Variants in WWOX observed in about 807,000 individuals in gnomAD.
WWOX encodes the protein WW domain-containing oxidoreductase.
WWOX carries 69 observed loss-of-function variants against 46.2 expected under a neutral mutation model. That is an observed-to-expected ratio of 1.49 (90% CI 1.23 to 1.82). The LOEUF (loss-of-function observed/expected upper bound fraction) is 1.82. Among genes scored for constraint, WWOX ranks in the 40% most tolerant of loss-of-function variants. WWOX has a pLI of 0.00. For synonymous variants in WWOX, 359 were observed against 202.6 expected (o/e 1.77, Z -6.56); for missense variants, 919 against 542.6 (o/e 1.69, Z -6.89).
rs566470623 is a variant in WWOX at position 78,743,670 on chromosome 16, T to C, written c.1056+310918T>C. ...GAAAATTGAAAGTACCCCTGATTGG[T>C]TGCTTTCCACGACCATTCAGCCGTT... On this transcript the variant is annotated intron_variant, in intron 8 of 8. Coordinates refer to ENST00000566780, the MANE Select transcript of WWOX (RefSeq NM_016373.4). 3.9e-5 allele frequency among the ~76,000 whole-genome samples: 6 copies of C among 152,290 alleles called. No homozygotes were observed. In the South Asian group the frequency reaches 1.2e-3, roughly 32 times the overall value.
chr16:78,740,251 A>G (rs989320593), intron 8 of WWOX, among the ~76,000 whole-genome samples: 1 of 152,156 alleles, frequency 6.6e-6, no homozygotes, highest in African/African-American at 2.4e-5. Flanking sequence ...GCGTTCTTAC[A>G]ATGCTGATGC....
At chr16:78,264,667 A>G (rs1000535361) in intron 5 of WWOX, 6 of 152,242 alleles carry the variant, frequency 3.9e-5, no homozygotes, top group Admixed American at 1.3e-4. Flanking sequence ...TCATTCTTCA[A>G]CGGGCAGGGT....
In WWOX at chr16:79,212,570, G is replaced by GTCAA. The variant is rs550313352; in HGVS notation, c.*778_*781dup. The GTCAA allele has an allele frequency of 1.8e-3, 301 of 163,922 alleles. No individual in the cohort carries two copies. The highest frequency in any genetic ancestry group is 3.8e-3 in the Admixed American group (67 of 17,816). 10.2% of individuals were successfully genotyped at this position (163,922 alleles called of 1,614,324 possible). A position where few individuals can be genotyped will look rare whatever the true frequency, so the allele number is the denominator to read the frequency against. On this transcript the variant is annotated 3_prime_UTR_variant, in exon 9 of 9. Coordinates refer to ENST00000566780, the MANE Select transcript of WWOX (RefSeq NM_016373.4). ...AAAACGTTAGTTAATCCCTTTGTCT[G>GTCAA]TCAATCACAGTCTCAGTTCTCTTGC...
At chr16:78,720,011 A>G (rs1050587020) in intron 8 of WWOX, among the ~76,000 whole-genome samples, 28 of 152,232 alleles carry the variant, frequency 1.8e-4, no homozygotes, top group Non-Finnish European at 8.8e-5. Flanking sequence ...GATAATTTAC[A>G]TATAAAAGCG....
chr16:78,633,779 G>C (rs1417280681), intron 8 of WWOX, among the ~76,000 whole-genome samples: 1 of 152,190 alleles, frequency 6.6e-6, no homozygotes, highest in East Asian at 1.9e-4. Context: ...TCCAGGCTGT[G>C]GTGTGCGGTG....
At chr16:79,149,574 T>A (rs1470029412) in intron 8 of WWOX, among the ~76,000 whole-genome samples, 1 of 152,192 alleles carries the variant, frequency 6.6e-6, no homozygotes, top group Non-Finnish European at 1.5e-5. Context: ...CTAGGGACGG[T>A]CTCAAATGAG....
At position 78,265,725 on chromosome 16, in the gene WWOX, G is replaced by C. The variant is rs184041905; in HGVS notation, c.516+101436G>C. Among the ~76,000 whole-genome samples the C allele has an allele frequency of 9.7e-4, 144 of 148,930 alleles. 1 individual carries two copies. Among genetic ancestry groups the C allele is most frequent in the Middle Eastern group, 7.0e-3 (2 of 284 alleles). ...AAAACACGAATATCTTTTTTTGTCA[G>C]CTCCATGAGGGCACAAAGTTGTATC... On this transcript the variant is annotated intron_variant, in intron 5 of 8. Transcript: ENST00000566780.
At chr16:78,853,141 G>A (rs962296227) in intron 8 of WWOX, among the ~76,000 whole-genome samples, 1 of 152,162 alleles carries the variant, frequency 6.6e-6, no homozygotes, top group African/African-American at 2.4e-5. Flanking sequence ...TGTACTATAC[G>A]TTATAACAAT....
At chr16:78,970,380 C>T (rs1039364657) in intron 8 of WWOX, among the ~76,000 whole-genome samples, 2 of 152,192 alleles carry the variant, frequency 1.3e-5, no homozygotes, top group Admixed American at 6.5e-5. Context: ...ATTAGCATAA[C>T]CTCATGCCCA....
chr16:78,999,550 C>T (rs963542754), intron 8 of WWOX, among the ~76,000 whole-genome samples: 1 of 152,120 alleles, frequency 6.6e-6, no homozygotes, highest in Non-Finnish European at 1.5e-5. Flanking sequence ...TAGACATCAG[C>T]GATTCAGAGT....
intron 8 of WWOX, among the ~76,000 whole-genome samples, chr16:78,470,235 T>G (rs951780791): frequency 6.6e-6 from 1 of 152,182 alleles, no homozygotes; most frequent in Non-Finnish European, 1.5e-5. Context: ...TGGAGCATTT[T>G]AAGGATGAGG....
chr16:78,639,548 G>C (rs1003139904), intron 8 of WWOX, among the ~76,000 whole-genome samples: 2 of 150,600 alleles, frequency 1.3e-5, no homozygotes, highest in African/African-American at 4.9e-5. Flanking sequence ...CCTCCCCTCA[G>C]ACTCCAGGGG....
intron 8 of WWOX, among the ~76,000 whole-genome samples, chr16:78,826,538 T>G (rs1247185393): frequency 6.6e-6 from 1 of 152,214 alleles, no homozygotes; most frequent in Non-Finnish European, 1.5e-5. Context: ...CCACATGGCC[T>G]TCTCCTCTTC....
chr16:78,674,935 T>C (rs1360256422), intron 8 of WWOX, among the ~76,000 whole-genome samples: 1 of 152,098 alleles, frequency 6.6e-6, no homozygotes, highest in Non-Finnish European at 1.5e-5. Flanking sequence ...CATGGGTTTG[T>C]TCAAGTTGTC....
chr16:79,184,688 C>G (rs78435901), intron 8 of WWOX, among the ~76,000 whole-genome samples: 5,087 of 152,280 alleles, frequency 0.033, 123 homozygotes, highest in Non-Finnish European at 0.051. Flanking sequence ...ATATCTGACC[C>G]TGAGAATTTT....
chr16:78,860,881 G>T (rs1158883903), intron 8 of WWOX, among the ~76,000 whole-genome samples: 1 of 152,176 alleles, frequency 6.6e-6, no homozygotes, highest in Non-Finnish European at 1.5e-5. Flanking sequence ...CTGTCACCCA[G>T]GCTAGAGTGC....
chr16:78,541,428 C>T (rs1162108873), intron 8 of WWOX, among the ~76,000 whole-genome samples: 1 of 122,184 alleles, frequency 8.2e-6, no homozygotes, highest in Non-Finnish European at 1.6e-5. Flanking sequence ...GAGCCGAGAG[C>T]CCGCCACTGC....
At chr16:79,207,037 A>G (rs2051536223) in intron 8 of WWOX, among the ~76,000 whole-genome samples, 1 of 152,154 alleles carries the variant, frequency 6.6e-6, no homozygotes, top group African/African-American at 2.4e-5. Context: ...TGACCTCTGC[A>G]CTGTTCTGGG....
intron 5 of WWOX, among the ~76,000 whole-genome samples, chr16:78,329,961 A>G (rs2080717650): frequency 6.6e-6 from 1 of 151,968 alleles, no homozygotes; most frequent in Non-Finnish European, 1.5e-5. Flanking sequence ...GCCCACAGTA[A>G]CATAGTAAGT....
Sources: gnomAD v4.1 joint callset for allele counts (sites outside exome capture counted in the v4.1 genomes callset) on GRCh38, gnomAD v4.1.1 for gene constraint, MANE v1.5 for transcripts, NCBI Gene and HGNC (gene_info 2026-07-23, HGNC 2026-07-21) for gene names.